CDH22: variants seen among roughly 807,000 people sequenced by gnomAD.
The protein encoded by CDH22 is cadherin-22.
CDH22 carries 30 observed loss-of-function variants against 58.4 expected under a neutral mutation model. That is an observed-to-expected ratio of 0.51 (90% CI 0.38 to 0.70). The LOEUF is 0.70. CDH22 is among the 30% of genes least tolerant of loss of function. The pLI is 0.00. For missense variants in CDH22, 1,014 were observed against 1,233.9 expected, an observed-to-expected ratio of 0.82 and a Z score of 2.67; for synonymous variants, 513 against 558.2, an observed-to-expected ratio of 0.92 and a Z score of 1.14.
chr20:46,227,508 C>T lies in CDH22; in HGVS notation c.670G>A (p.Gly224Ser), dbSNP rs2086185423. Reference protein sequence around the residue: ...EHHFTVDPKTGVIRTAVPDLD... With the variant: ...EHHFTVDPKTSVIRTAVPDLD... The stretch of plus-strand genomic sequence containing the variant: ...CCTCTGGCCCCGCCCTGCCCCTCAC[C>T]GGTCTTGGGGTCCACGGTGAAGTGG... Residue 224 changes from glycine to serine, a missense_variant and splice_region_variant, in exon 4 of 12, where the codon GGC becomes AGC. Gly to Ser is a moderately conservative substitution (Grantham distance 56, BLOSUM62 0). Coordinates refer to ENST00000537909, the MANE Select transcript of CDH22 (RefSeq NM_021248.3). 4 of 1,598,900 alleles carry T rather than the reference C, an allele frequency of 2.5e-6. No homozygotes were observed. The highest frequency in any genetic ancestry group is 3.4e-6 in the Non-Finnish European group (4 of 1,175,640).
chr20:46,235,889 G>A (rs137874607), intron 3 of CDH22, among the ~76,000 whole-genome samples: 73 of 152,140 alleles, frequency 4.8e-4, no homozygotes, highest in Non-Finnish European at 5.9e-4. Flanking sequence ...TAAAATATAA[G>A]CTGGATTAGA....
chr20:46,277,879 G>T (rs2086527791), intron 1 of CDH22, among the ~76,000 whole-genome samples: 2 of 152,062 alleles, frequency 1.3e-5, no homozygotes, highest in Admixed American at 1.3e-4. Context: ...TGAAGGGAAG[G>T]AGGGAGGGGG....
intron 10 of CDH22, among the ~76,000 whole-genome samples, chr20:46,181,652 C>G (rs1053443176): frequency 5.4e-5 from 8 of 147,096 alleles, no homozygotes; most frequent in Non-Finnish European, 7.5e-5. Flanking sequence ...TCCTCCCTCC[C>G]TCCTTTCTCT....
At chr20:46,274,411 GGATTT>G (rs1165622674) in intron 1 of CDH22, among the ~76,000 whole-genome samples, 1 of 152,086 alleles carries the variant, frequency 6.6e-6, no homozygotes, top group Non-Finnish European at 1.5e-5. Flanking sequence ...TAAACTCAGT[GGATTT>G]ATTTAATTAA....
In CDH22 at chr20:46,300,348, G is replaced by T. The variant is rs1017136864; in HGVS notation, c.-400+7907C>A. On this transcript the variant is annotated intron_variant, in intron 1 of 11. Coordinates refer to ENST00000537909, the MANE Select transcript of CDH22 (RefSeq NM_021248.3). The surrounding 1 kb of genome is among the most constrained non-coding windows in gnomAD (Gnocchi z 4.4). ...CTGGTTACCTGAGTCTGTCTGGCTT[G>T]TCACCTACCCATCATCTTGTCTACC... Among the ~76,000 whole-genome samples the T allele has an allele frequency of 6.6e-6, 1 of 152,098 alleles. No individual in the cohort carries two copies. Among genetic ancestry groups the T allele is most frequent in the Non-Finnish European group, 1.5e-5 (1 of 68,006 alleles).
chr20:46,232,361 C>G (rs896153646), intron 3 of CDH22, among the ~76,000 whole-genome samples: 9 of 152,046 alleles, frequency 5.9e-5, no homozygotes, highest in African/African-American at 9.7e-5. Flanking sequence ...GAAAAACTTC[C>G]CAATCTGATT....
chr20:46,298,704 G>A (rs2086638973), intron 1 of CDH22, among the ~76,000 whole-genome samples: 1 of 152,016 alleles, frequency 6.6e-6, no homozygotes, highest in Admixed American at 6.6e-5. Flanking sequence ...GGCTTAGATG[G>A]GATGCTGGCT....
Position 46,177,989 on chromosome 20 carries a change from G to A in CDH22, c.1872C>T (p.Pro624=), listed in dbSNP as rs73598378. 4,830 of 1,614,046 alleles carry A rather than the reference G, an allele frequency of 3.0e-3. 113 individuals carry two copies. The East Asian group carries it at 0.062, about 21-fold the overall frequency. Residue 624 remains proline (P), a synonymous_variant, in exon 11 of 12, where the codon CCC becomes CCT. Coordinates refer to ENST00000537909, the MANE Select transcript of CDH22 (RefSeq NM_021248.3). ...TAFVMAASLS[P]GALIALLVCV... ...AGACCAAGAGGGCGATGAGGGCGCC[G>A]GGGCTGAGGGAGGCGGCCATGACAA...
In CDH22 at chr20:46,210,856, G is replaced by GT. The variant is rs1263260956; in HGVS notation, c.1033-297dup. 6.6e-6 allele frequency among the ~76,000 whole-genome samples: 1 copy of GT among 152,342 alleles called. No individual in the cohort carries two copies. The highest frequency in any genetic ancestry group is 6.5e-5 in the Admixed American group (1 of 15,306). Reference sequence around the variant, plus strand: ...GCAGTGTTGGCGGCATATTTCATTAGTTTAGTTCACGAACACAAAGCACCT... The same window carrying GT: ...GCAGTGTTGGCGGCATATTTCATTAGTTTTAGTTCACGAACACAAAGCACCT... On this transcript the variant is annotated intron_variant, in intron 6 of 11. Coordinates refer to ENST00000537909, the MANE Select transcript of CDH22 (RefSeq NM_021248.3). The surrounding 1 kb of genome is among the most constrained non-coding windows in gnomAD (Gnocchi z 4.5).
rs1378120323 is a variant in CDH22, at chr20:46,186,723, GA to G, written c.1546-19del. The G allele has an allele frequency of 6.2e-7, 1 of 1,611,672 alleles. No individual in the cohort carries two copies. Among genetic ancestry groups the G allele is most frequent in the Non-Finnish European group, 8.5e-7 (1 of 1,178,348 alleles). On this transcript the variant is annotated intron_variant, in intron 9 of 11. Coordinates refer to ENST00000537909, the MANE Select transcript of CDH22 (RefSeq NM_021248.3). The stretch of plus-strand genomic sequence containing the variant: ...TGGATGAGCTGAAGGGTGAGGAGGG[GA>G]TAGAGGGCTAGTGGTGAGGCTGAGA...
intron 2 of CDH22, among the ~76,000 whole-genome samples, chr20:46,244,438 C>T (rs1286584000): frequency 6.6e-6 from 1 of 152,202 alleles, no homozygotes; most frequent in Non-Finnish European, 1.5e-5. Flanking sequence ...GTGCCTCTGG[C>T]TCTGCCCTAG....
At chr20:46,204,923 A>C (rs755793168) in intron 7 of CDH22, among the ~76,000 whole-genome samples, 3 of 152,218 alleles carry the variant, frequency 2.0e-5, no homozygotes, top group Non-Finnish European at 2.9e-5. Context: ...GCTTATGCAC[A>C]TACAGGCTTT....
chr20:46,199,490 C>T lies in CDH22; in HGVS notation c.1356G>A (p.Val452=). The change falls in exon 8 of 12, where the codon GTG becomes GTA. Residue 452 remains valine, a synonymous_variant. Coordinates refer to ENST00000537909, the MANE Select transcript of CDH22 (RefSeq NM_021248.3). ...TCTCGCGGTCCAGCCCCTTGCCAGT[C>T]ACGATGGCGCCTGTGTCCGCATCGA... ...FDIDADTGAI[V]TGKGLDRETA... The T allele has an allele frequency of 1.2e-6, 2 of 1,613,982 alleles. No individual in the cohort carries two copies. Among genetic ancestry groups the T allele is most frequent in the East Asian group, 2.2e-5 (1 of 44,882 alleles).
intron 1 of CDH22, among the ~76,000 whole-genome samples, chr20:46,286,581 C>T (rs892236299): frequency 3.3e-5 from 5 of 151,952 alleles, no homozygotes; most frequent in African/African-American, 1.2e-4. Context: ...CCCTGCGCAG[C>T]CAGCCCCCGA....
chr20:46,291,683 A>G (rs879919248), intron 1 of CDH22, among the ~76,000 whole-genome samples: 1 of 152,216 alleles, frequency 6.6e-6, no homozygotes, highest in Non-Finnish European at 1.5e-5. Flanking sequence ...ACCTCTCAAC[A>G]CAGCCAGGTC....
intron 9 of CDH22, 41 bp downstream of exon 9, chr20:46,186,785 G>A: frequency 1.3e-6 from 2 of 1,597,406 alleles, no homozygotes; most frequent in Non-Finnish European, 1.7e-6. Context: ...CTGCTGGCCA[G>A]TCCTGGAAGC....
chr20:46,223,709 CTTTCTT>C (rs2086147728), intron 4 of CDH22, among the ~76,000 whole-genome samples: 2 of 39,694 alleles, frequency 5.0e-5, no homozygotes, highest in Non-Finnish European at 1.2e-4. Context: ...TTCTTTCTTT[CTTTCTT>C]TTTCTTTCTT....
At position 46,219,415 on chromosome 20, in the gene CDH22, A is replaced by G. The variant is rs138088662; in HGVS notation, c.671-2422T>C. ...TTATCTGTAAAATGGGACAACCACC[A>G]TACTGACTTAAATGACAGGATTTCT... On this transcript the variant is annotated intron_variant, in intron 4 of 11. Coordinates refer to ENST00000537909, the MANE Select transcript of CDH22 (RefSeq NM_021248.3). Among the ~76,000 whole-genome samples, 382 of 152,326 alleles carry G rather than the reference A, an allele frequency of 2.5e-3. 4 individuals carry two copies. The highest frequency in any genetic ancestry group is 0.02 in the Middle Eastern group (6 of 294).
chr20:46,175,036 T>C lies in CDH22; in HGVS notation c.1957A>G (p.Ser653Gly). The part of the protein sequence containing the change: ...LILTLRRHHK[S>G]HLSSDEDEDM... ...TCATCCTCGTCCGAGCTCAGGTGGC[T>C]CTTGTGGTGGCGCCTGAGGGTGAGG... is the stretch of plus-strand genomic sequence containing the variant. The change falls in exon 12 of 12, where the codon AGC becomes GGC. Residue 653 changes from serine to glycine, a missense_variant. Physicochemically the swap from Ser to Gly is moderately conservative, Grantham distance 56. Transcript: ENST00000537909. 6.2e-7 allele frequency: 1 copy of C among 1,610,090 alleles called. No individual in the cohort carries two copies. Among genetic ancestry groups the C allele is most frequent in the Non-Finnish European group, 8.5e-7 (1 of 1,179,460 alleles).
Sources: allele counts gnomAD v4.1 joint callset (sites outside exome capture counted in the v4.1 genomes callset), GRCh38; gene constraint gnomAD v4.1.1; non-coding constraint Gnocchi (gnomAD v3.1); transcripts MANE v1.5; gene names NCBI Gene and HGNC (gene_info 2026-07-23, HGNC 2026-07-21).